The following SUPT3H variants were observed in gnomAD, a reference collection of about 807,000 sequenced individuals.
The protein encoded by SUPT3H is SPT3 homolog, SAGA and STAGA complex component.
SUPT3H carries 44 observed loss-of-function variants against 44.3 expected under a neutral mutation model. The observed-to-expected ratio is 0.99, with a 90% CI of 0.78 to 1.28. The LOEUF (loss-of-function observed/expected upper bound fraction) is 1.28, where lower values mean the gene tolerates loss of function less well. SUPT3H is among the 50% of genes most tolerant of loss of function. SUPT3H has a pLI of 0.00. For missense variants in SUPT3H, 380 were observed against 387.1 expected (o/e 0.98, Z 0.15); for synonymous variants, 124 against 125.6 (o/e 0.99, Z 0.09).
intron 2 of SUPT3H, among the ~76,000 whole-genome samples, chr6:45,215,100 C>A (rs954879014): frequency 6.6e-6 from 1 of 152,130 alleles, no homozygotes; most frequent in African/African-American, 2.4e-5. Context: ...GAAGAAATCA[C>A]TGGAAATTCA....
At chr6:45,019,580 G>C (rs1290221159) in intron 4 of SUPT3H, among the ~76,000 whole-genome samples, 1 of 152,020 alleles carries the variant, frequency 6.6e-6, no homozygotes, top group East Asian at 1.9e-4. Context: ...ATTATCACTC[G>C]TTCTTGACCT....
intron 10 of SUPT3H, among the ~76,000 whole-genome samples, chr6:44,848,363 T>C (rs777486621): frequency 6.6e-6 from 1 of 152,174 alleles, no homozygotes; most frequent in African/African-American, 2.4e-5. Flanking sequence ...TTAGAGCCAC[T>C]TGGGGAACTT....
At chr6:45,367,773 CT>C (rs1277609339) in intron 1 of SUPT3H, among the ~76,000 whole-genome samples, 3 of 152,118 alleles carry the variant, frequency 2.0e-5, no homozygotes, top group Admixed American at 2.0e-4. Flanking sequence ...CAATCTGCTC[CT>C]TTTTCATTTT....
intron 10 of SUPT3H, among the ~76,000 whole-genome samples, chr6:44,870,968 T>C (rs985734422): frequency 1.3e-5 from 2 of 151,410 alleles, no homozygotes; most frequent in African/African-American, 2.4e-5. Flanking sequence ...ACCACGAGAC[T>C]ATATCCCACA....
chr6:45,237,979 C>A (rs903941338), intron 2 of SUPT3H, among the ~76,000 whole-genome samples: 1 of 152,148 alleles, frequency 6.6e-6, no homozygotes, highest in Non-Finnish European at 1.5e-5. Flanking sequence ...ATCCCTTTAG[C>A]TGAGCAAGAC....
At chr6:45,302,683 T>C (rs961736815) in intron 2 of SUPT3H, among the ~76,000 whole-genome samples, 4 of 151,878 alleles carry the variant, frequency 2.6e-5, no homozygotes, top group African/African-American at 7.3e-5. Context: ...TAGCAACTTC[T>C]TTTCCTCTGG....
intron 2 of SUPT3H, among the ~76,000 whole-genome samples, chr6:45,144,058 T>A (rs185394094): frequency 6.6e-6 from 1 of 151,970 alleles, no homozygotes. Context: ...AATAAAAAAA[T>A]TGCCAACAAA....
intron 2 of SUPT3H, among the ~76,000 whole-genome samples, chr6:45,290,197 T>A (rs1041433665): frequency 2.6e-5 from 4 of 151,818 alleles, no homozygotes; most frequent in Admixed American, 6.6e-5. Context: ...GAAAAAAAAA[T>A]TAAATATATT....
chr6:45,362,875 G>A (rs1297658741), intron 2 of SUPT3H, among the ~76,000 whole-genome samples: 1 of 151,978 alleles, frequency 6.6e-6, no homozygotes, highest in Admixed American at 6.6e-5. Flanking sequence ...TCCATCAAAT[G>A]CACTAAATAG....
At chr6:44,919,289 A>C (rs1297039664) in intron 10 of SUPT3H, among the ~76,000 whole-genome samples, 1 of 152,166 alleles carries the variant, frequency 6.6e-6, no homozygotes, top group Non-Finnish European at 1.5e-5. Flanking sequence ...CATGGCTTTA[A>C]TGAAGGAAAA....
chr6:45,205,208 T>A (rs558677005), intron 2 of SUPT3H, among the ~76,000 whole-genome samples: 4 of 152,284 alleles, frequency 2.6e-5, no homozygotes, highest in African/African-American at 9.6e-5. Flanking sequence ...TTCTCAAAAG[T>A]ACATTGGAAT....
chr6:45,156,319 C>T (rs1220664191), intron 2 of SUPT3H, among the ~76,000 whole-genome samples: 1 of 152,136 alleles, frequency 6.6e-6, no homozygotes, highest in South Asian at 2.1e-4. Flanking sequence ...CTTTCAGTCT[C>T]CTAAGGTCAT....
intron 9 of SUPT3H, among the ~76,000 whole-genome samples, chr6:44,949,796 T>TG (rs1773993124): frequency 6.6e-6 from 1 of 152,224 alleles, no homozygotes; most frequent in African/African-American, 2.4e-5. Flanking sequence ...CAAATGTTGA[T>TG]GAAGCTGTGG....
At chr6:44,811,832 C>T (rs972456976) in intron 11 of SUPT3H, among the ~76,000 whole-genome samples, 1 of 151,880 alleles carries the variant, frequency 6.6e-6, no homozygotes, top group Non-Finnish European at 1.5e-5. Flanking sequence ...CTTGGTTGTT[C>T]TTTGTTTCTC....
At chr6:44,995,447 C>T (rs1292806831) in intron 6 of SUPT3H, among the ~76,000 whole-genome samples, 1 of 152,054 alleles carries the variant, frequency 6.6e-6, no homozygotes, top group African/African-American at 2.4e-5. Context: ...TAAGAAACAA[C>T]TGCTTACTTA....
chr6:44,896,325 C>G (rs1407667317), intron 10 of SUPT3H, among the ~76,000 whole-genome samples: 1 of 152,158 alleles, frequency 6.6e-6, no homozygotes, highest in Non-Finnish European at 1.5e-5. Context: ...ATTATTAACA[C>G]TTAGGGTCCT....
At chr6:44,853,024 T>G (rs1773141544) in intron 10 of SUPT3H, among the ~76,000 whole-genome samples, 1 of 152,218 alleles carries the variant, frequency 6.6e-6, no homozygotes, top group Non-Finnish European at 1.5e-5. Context: ...GAAAGTATGT[T>G]ACCTAACGAC....
chr6:44,886,515 C>T (rs192317414), intron 10 of SUPT3H, among the ~76,000 whole-genome samples: 64 of 152,246 alleles, frequency 4.2e-4, no homozygotes, highest in Non-Finnish European at 5.1e-4. Context: ...TACAGCCAAA[C>T]TAAGCTTCAG....
chr6:45,309,058 AAGCT>A (rs1382275008), intron 2 of SUPT3H, among the ~76,000 whole-genome samples: 9 of 151,932 alleles, frequency 5.9e-5, no homozygotes, highest in Non-Finnish European at 1.2e-4. Flanking sequence ...ATATGCATAT[AAGCT>A]AGCTAGTCAT....
Sources: allele counts gnomAD v4.1 joint callset (sites outside exome capture counted in the v4.1 genomes callset), GRCh38; gene constraint gnomAD v4.1.1; transcripts MANE v1.5; gene names NCBI Gene and HGNC (gene_info 2026-07-23, HGNC 2026-07-21).